The following LPP variants were observed in gnomAD, a reference collection of about 807,000 sequenced individuals.
LPP encodes the protein lipoma-preferred partner.
In LPP, 38 loss-of-function variants were observed where a neutral mutation model predicts 60.4. The observed-to-expected ratio is 0.63, with a 90% CI of 0.49 to 0.83. The LOEUF (loss-of-function observed/expected upper bound fraction) is 0.83, where lower values mean the gene tolerates loss of function less well. Among genes scored for constraint, LPP ranks in the 40% least tolerant of loss-of-function variants. LPP has a pLI of 0.00. For synonymous variants in LPP, 328 were observed against 290.8 expected, an observed-to-expected ratio of 1.13 and a Z score of -1.30; for missense variants, 902 against 783.6, an observed-to-expected ratio of 1.15 and a Z score of -1.80.
At chr3:188,377,990 A>G (rs1055065160) in intron 3 of LPP, among the ~76,000 whole-genome samples, 1 of 152,150 alleles carries the variant, frequency 6.6e-6, no homozygotes, top group Non-Finnish European at 1.5e-5. Flanking sequence ...CTGTTTGTCT[A>G]AGTATCAGCA....
intron 2 of LPP, among the ~76,000 whole-genome samples, chr3:188,266,747 T>C (rs887549120): frequency 1.1e-4 from 16 of 152,154 alleles, no homozygotes; most frequent in African/African-American, 1.9e-4. Flanking sequence ...GTTATTGCCA[T>C]GCGGGTGGCT....
At chr3:188,282,170 A>G (rs1742338029) in intron 2 of LPP, among the ~76,000 whole-genome samples, 1 of 140,648 alleles carries the variant, frequency 7.1e-6, no homozygotes, top group Non-Finnish European at 1.5e-5. Flanking sequence ...TTTCTTTATT[A>G]TATTTTTAGT....
At chr3:188,637,740 A>G (rs939033351) in intron 7 of LPP, among the ~76,000 whole-genome samples, 2 of 152,234 alleles carry the variant, frequency 1.3e-5, no homozygotes, top group African/African-American at 4.8e-5. Flanking sequence ...AAACACCTCT[A>G]CGCAAATAAA....
At chr3:188,505,057 G>A (rs1218811959) in intron 5 of LPP, among the ~76,000 whole-genome samples, 1 of 152,170 alleles carries the variant, frequency 6.6e-6, no homozygotes, top group Non-Finnish European at 1.5e-5. Context: ...ATAGGTAGTT[G>A]CTATTGTGCT....
intron 9 of LPP, among the ~76,000 whole-genome samples, chr3:188,839,666 A>C (rs1759409745): frequency 6.6e-6 from 1 of 152,082 alleles, no homozygotes; most frequent in Non-Finnish European, 1.5e-5. Flanking sequence ...CGAAGTCAGG[A>C]GATCGAGACC....
At chr3:188,262,914 C>T (rs1734179879) in intron 2 of LPP, among the ~76,000 whole-genome samples, 1 of 151,876 alleles carries the variant, frequency 6.6e-6, no homozygotes, top group African/African-American at 2.4e-5. Flanking sequence ...TACAGTGATG[C>T]CTCCTTACTA....
In LPP at chr3:188,800,536, C is replaced by T. The variant is rs1323996047; in HGVS notation, c.1410+40254C>T. Among the ~76,000 whole-genome samples, 5 of 152,248 alleles carry T rather than the reference C, an allele frequency of 3.3e-5. No individual in the cohort carries two copies. In the East Asian group the frequency reaches 5.8e-4, roughly 18 times the overall value. On this transcript the variant is annotated intron_variant, in intron 9 of 11. Transcript: ENST00000617246. ...CTGGGATTACAGGCGTGAGCCACCA[C>T]ACCCGGCCAAAACTTTCTGCAGGAT...
At chr3:188,358,020 A>T (rs1578306024) in intron 3 of LPP, among the ~76,000 whole-genome samples, 1 of 151,966 alleles carries the variant, frequency 6.6e-6, no homozygotes, top group East Asian at 1.9e-4. Context: ...AAGGAAAAAA[A>T]TGACGTGAAT....
chr3:188,627,522 C>G (rs1847064792), intron 7 of LPP, among the ~76,000 whole-genome samples: 1 of 151,968 alleles, frequency 6.6e-6, no homozygotes, highest in Admixed American at 6.6e-5. Context: ...AGACTGTAAA[C>G]CAACAATGAT....
chr3:188,761,384 A>C (rs1477040735), intron 9 of LPP, among the ~76,000 whole-genome samples: 1 of 152,206 alleles, frequency 6.6e-6, no homozygotes, highest in Non-Finnish European at 1.5e-5. Context: ...CGTAGGATTA[A>C]ATATGGCTTT....
intron 2 of LPP, among the ~76,000 whole-genome samples, chr3:188,269,076 G>A (rs1305395069): frequency 6.6e-6 from 1 of 152,166 alleles, no homozygotes; most frequent in Non-Finnish European, 1.5e-5. Context: ...CTGAGTCCTA[G>A]GAGATATAAA....
At chr3:188,781,866 T>C (rs1374961504) in intron 9 of LPP, among the ~76,000 whole-genome samples, 3 of 140,562 alleles carry the variant, frequency 2.1e-5, no homozygotes, top group Non-Finnish European at 4.5e-5. Flanking sequence ...CACTCCAGCC[T>C]GGGCGACAGA....
At position 188,884,461 on chromosome 3, in the gene LPP, T is replaced by C. The variant is rs1770433154; in HGVS notation, c.*9982T>C. On this transcript the variant is annotated 3_prime_UTR_variant, in exon 12 of 12. Coordinates refer to ENST00000617246, the MANE Select transcript of LPP (RefSeq NM_001375462.1). ...ATCATTTAGAGCTTGCACACATCTG[T>C]GTCTTCTTGTGGGAAACCTCTAGGT... is the stretch of plus-strand genomic sequence containing the variant. 2 of 229,178 alleles carry C rather than the reference T, an allele frequency of 8.7e-6. No individual in the cohort carries two copies. Among genetic ancestry groups the C allele is most frequent in the Admixed American group, 5.7e-5 (1 of 17,636 alleles). The allele number at this position is 229,178 out of a possible 1,614,324, so 14.2% of individuals were successfully genotyped here.
chr3:188,372,784 G>A (rs1773674198), intron 3 of LPP, among the ~76,000 whole-genome samples: 1 of 151,208 alleles, frequency 6.6e-6, no homozygotes, highest in African/African-American at 2.4e-5. Flanking sequence ...GTATACATGT[G>A]CTATGTTAGT....
intron 4 of LPP, among the ~76,000 whole-genome samples, chr3:188,479,081 G>A (rs1026356204): frequency 1.5e-4 from 23 of 151,992 alleles, no homozygotes; most frequent in Non-Finnish European, 3.1e-4. Context: ...ATGAATAACC[G>A]TCTTTACTTG....
At chr3:188,793,597 CT>C (rs1311590092) in intron 9 of LPP, among the ~76,000 whole-genome samples, 2 of 152,158 alleles carry the variant, frequency 1.3e-5, no homozygotes, top group African/African-American at 4.8e-5. Flanking sequence ...GTAAAGCCTA[CT>C]CATATGGGAG....
At chr3:188,496,892 TTTAG>T (rs1470126599) in intron 5 of LPP, among the ~76,000 whole-genome samples, 2 of 152,188 alleles carry the variant, frequency 1.3e-5, no homozygotes, top group Non-Finnish European at 2.9e-5. Flanking sequence ...TTTCATAATT[TTTAG>T]TTAGTTTTAT....
At position 188,882,301 on chromosome 3, in the gene LPP, G is replaced by T. The variant is rs775771182; in HGVS notation, c.*7822G>T. On this transcript the variant is annotated 3_prime_UTR_variant, in exon 12 of 12. Coordinates refer to ENST00000617246, the MANE Select transcript of LPP (RefSeq NM_001375462.1). ...AACAGGGAAACATGGGCTATACTCAGAGAAGACCCTCTGCATTGGCCAAAA... is the reference window on the plus strand; with the variant it reads ...AACAGGGAAACATGGGCTATACTCATAGAAGACCCTCTGCATTGGCCAAAA... 3 of 224,918 alleles carry T rather than the reference G, an allele frequency of 1.3e-5. No homozygotes were observed. The highest frequency in any genetic ancestry group is 2.2e-5 in the African/African-American group (1 of 44,876). 13.9% of individuals were successfully genotyped at this position (224,918 alleles called of 1,614,324 possible). A position where few individuals can be genotyped will look rare whatever the true frequency, so the allele number is the denominator to read the frequency against.
Position 188,884,517 on chromosome 3 carries a change from G to C in LPP, c.*10038G>C, listed in dbSNP as rs1014394061. On this transcript the variant is annotated 3_prime_UTR_variant, in exon 12 of 12. Coordinates refer to ENST00000617246, the MANE Select transcript of LPP (RefSeq NM_001375462.1). Reference sequence around the variant, plus strand: ...GTCTGATCAGCACTGTGAGGAAGTTGGTGGGAAAAGGCCACTGATAAGAAC... The same window carrying C: ...GTCTGATCAGCACTGTGAGGAAGTTCGTGGGAAAAGGCCACTGATAAGAAC... 2.2e-5 allele frequency: 5 copies of C among 229,312 alleles called. No individual in the cohort carries two copies. Among genetic ancestry groups the C allele is most frequent in the African/African-American group, 1.1e-4 (5 of 45,148 alleles). The allele number at this position is 229,312 out of a possible 1,614,324, so 14.2% of individuals were successfully genotyped here.
Sources: allele counts gnomAD v4.1 joint callset (sites outside exome capture counted in the v4.1 genomes callset), GRCh38; gene constraint gnomAD v4.1.1; transcripts MANE v1.5; gene names NCBI Gene and HGNC (gene_info 2026-07-23, HGNC 2026-07-21).